The following EIF4G3 variants were observed in gnomAD, a reference collection of about 807,000 sequenced individuals.
The protein encoded by EIF4G3 is eukaryotic translation initiation factor 4 gamma 3.
A neutral mutation model predicts 186.4 loss-of-function variants in EIF4G3; 34 were observed. That is an observed-to-expected ratio of 0.18 (90% CI 0.14 to 0.24). The LOEUF is 0.24. EIF4G3 is among the 10% of genes least tolerant of loss of function. The pLI, the probability that EIF4G3 is intolerant of heterozygous loss-of-function variation, is 1.00. For synonymous variants in EIF4G3, 673 were observed against 679.5 expected, an observed-to-expected ratio of 0.99 and a Z score of 0.15; for missense variants, 1,536 against 1,948.5, an observed-to-expected ratio of 0.79 and a Z score of 3.99.
intron 2 of EIF4G3, among the ~76,000 whole-genome samples, chr1:21,171,992 A>G (rs1030385611): frequency 3.9e-5 from 6 of 152,086 alleles, no homozygotes; most frequent in African/African-American, 1.4e-4. Flanking sequence ...CCAGGAAAAG[A>G]CCCACCACAG....
At chr1:20,950,964 C>G (rs2096188324) in intron 12 of EIF4G3, among the ~76,000 whole-genome samples, 1 of 152,176 alleles carries the variant, frequency 6.6e-6, no homozygotes, top group Admixed American at 6.5e-5. Flanking sequence ...AGCAGTGTCT[C>G]TCCTCGGAGA....
chr1:20,812,098 C>T (rs929564081), intron 35 of EIF4G3, among the ~76,000 whole-genome samples: 38 of 152,160 alleles, frequency 2.5e-4, no homozygotes, highest in Non-Finnish European at 4.3e-4. Context: ...TAAGTTATCA[C>T]TAAGACACAA....
chr1:20,923,811 A>G (rs1572901689), intron 14 of EIF4G3, among the ~76,000 whole-genome samples: 1 of 9,960 alleles, frequency 1.0e-4, no homozygotes, highest in African/African-American at 1.4e-4. Flanking sequence ...ACCCATCCCT[A>G]TATATATATA....
chr1:20,837,495 C>T (rs538447998), intron 30 of EIF4G3, among the ~76,000 whole-genome samples: 6 of 152,256 alleles, frequency 3.9e-5, no homozygotes, highest in South Asian at 2.1e-4. Context: ...TGAGCCACCG[C>T]GCCTGGCTGG....
chr1:21,005,772 A>T (rs777558319), intron 4 of EIF4G3, among the ~76,000 whole-genome samples: 1 of 152,174 alleles, frequency 6.6e-6, no homozygotes, highest in African/African-American at 2.4e-5. Context: ...TTTCCAGATT[A>T]TATCATTGCT....
Position 20,928,815 on chromosome 1 carries a change from C to T in EIF4G3, c.1663+12676G>A, listed in dbSNP as rs907924112. Among the ~76,000 whole-genome samples, 4 of 152,152 alleles carry T rather than the reference C, an allele frequency of 2.6e-5. No homozygotes were observed. In the South Asian group the frequency reaches 8.3e-4, roughly 32 times the overall value. On this transcript the variant is annotated intron_variant, in intron 14 of 36. Transcript: ENST00000602326. ...TGGTATAACCACAGTTGTGTGACCA[C>T]TACCACTATATAACTTTAGAATATT...
intron 24 of EIF4G3, among the ~76,000 whole-genome samples, chr1:20,858,064 C>G (rs1211040015): frequency 6.6e-6 from 1 of 152,152 alleles, no homozygotes; most frequent in African/African-American, 2.4e-5. Context: ...TTTAAGCCAC[C>G]AACACCCCTT....
chr1:21,093,394 CAAT>C (rs2101493481), intron 2 of EIF4G3, among the ~76,000 whole-genome samples: 1 of 152,308 alleles, frequency 6.6e-6, no homozygotes, highest in East Asian at 1.9e-4. Context: ...ATCAAAACCA[CAAT>C]GAGATATTAT....
intron 2 of EIF4G3, among the ~76,000 whole-genome samples, chr1:21,093,284 G>A (rs1293552109): frequency 1.3e-5 from 2 of 151,956 alleles, no homozygotes; most frequent in East Asian, 3.9e-4. Flanking sequence ...TCACAAAGTG[G>A]GCAAAGGATA....
At chr1:20,959,309 T>C (rs932184236) in intron 12 of EIF4G3, among the ~76,000 whole-genome samples, 1 of 152,090 alleles carries the variant, frequency 6.6e-6, no homozygotes, top group Non-Finnish European at 1.5e-5. Flanking sequence ...ATTTAACAAA[T>C]GGTGCTGGCA....
intron 4 of EIF4G3, among the ~76,000 whole-genome samples, chr1:21,030,637 A>G (rs2092656422): frequency 6.6e-6 from 1 of 152,270 alleles, no homozygotes. Flanking sequence ...TATAAAAAAT[A>G]CAATACAAAC....
chr1:21,020,231 T>TC (rs1553146343), intron 4 of EIF4G3, among the ~76,000 whole-genome samples: 1 of 152,166 alleles, frequency 6.6e-6, no homozygotes, highest in Non-Finnish European at 1.5e-5. Flanking sequence ...ATCATATCTG[T>TC]AATCTTAGCA....
intron 14 of EIF4G3, among the ~76,000 whole-genome samples, chr1:20,929,069 C>T (rs1024789652): frequency 6.6e-6 from 1 of 152,316 alleles, no homozygotes; most frequent in African/African-American, 2.4e-5. Flanking sequence ...CATTCCTTAT[C>T]ATGGTCCGAT....
chr1:21,105,747 G>A (rs1334991927), intron 2 of EIF4G3, among the ~76,000 whole-genome samples: 1 of 152,102 alleles, frequency 6.6e-6, no homozygotes, highest in Non-Finnish European at 1.5e-5. Context: ...CAGGTTTTAG[G>A]TGGGAAACAG....
Position 20,886,333 on chromosome 1 carries a change from T to A in EIF4G3, c.2292A>T (p.Gln764His). Residue 764 changes from glutamine (Q) to histidine (H), a missense_variant, in exon 19 of 37, where the codon CAA becomes CAT. Gln to His is a conservative substitution (Grantham distance 24). Around this residue, in one of 11 missense-constraint regions of EIF4G3, gnomAD observed 139 missense variants for 192.8 expected, o/e 0.72. Transcript: ENST00000602326. ...TGATGATCTTTCTGGGTTCTCTTCT[T>A]TGGCCAGGTTGAGATCTTCGTGACC... The part of the protein sequence containing the change: ...NVGSRRSQPG[Q>H]RREPRKIITV... 6.2e-7 allele frequency: 1 copy of A among 1,614,058 alleles called. No homozygotes were observed. The highest frequency in any genetic ancestry group is 8.5e-7 in the Non-Finnish European group (1 of 1,179,982).
intron 3 of EIF4G3, among the ~76,000 whole-genome samples, chr1:21,068,728 C>T (rs980530159): frequency 6.6e-6 from 1 of 152,100 alleles, no homozygotes; most frequent in South Asian, 2.1e-4. Context: ...AGTTAATACA[C>T]ATAAAATGCT....
chr1:21,094,412 T>C (rs897394264), intron 2 of EIF4G3, among the ~76,000 whole-genome samples: 2 of 151,780 alleles, frequency 1.3e-5, no homozygotes, highest in Non-Finnish European at 2.9e-5. Context: ...ATGTGGCACA[T>C]AATATACACC....
At chr1:20,953,263 ATGG>A (rs1225778594) in intron 12 of EIF4G3, among the ~76,000 whole-genome samples, 2 of 152,196 alleles carry the variant, frequency 1.3e-5, no homozygotes, top group African/African-American at 2.4e-5. Flanking sequence ...AATTATGTAA[ATGG>A]TAAACTCCCC....
chr1:21,002,990 C>CTTT (rs5772933), intron 4 of EIF4G3, among the ~76,000 whole-genome samples, 182 bp from the exon 5 acceptor site: 4 of 141,192 alleles, frequency 2.8e-5, no homozygotes, highest in Admixed American at 2.1e-4. Context: ...CCTTTTCTTT[C>CTTT]TTTTTTTTTT....
Sources: allele counts gnomAD v4.1 joint callset (sites outside exome capture counted in the v4.1 genomes callset), GRCh38; gene constraint gnomAD v4.1.1; regional missense constraint gnomAD v4.1.1; transcripts MANE v1.5; gene names NCBI Gene and HGNC (gene_info 2026-07-23, HGNC 2026-07-21).